The following NAV1 variants were observed in gnomAD, a reference collection of about 807,000 sequenced individuals.
NAV1 encodes pore membrane and/or filament interacting like protein 3.
Under a neutral mutation model 175.2 loss-of-function variants are expected in NAV1, and 18 were observed. That is an observed-to-expected ratio of 0.10 (90% CI 0.07 to 0.15). NAV1 has a LOEUF of 0.15. Among genes scored for constraint, NAV1 ranks in the 10% least tolerant of loss-of-function variants. The probability of loss-of-function intolerance (pLI) is 1.00; values close to 1 mark genes in which losing one functional copy is unlikely to be tolerated. For missense variants in NAV1, 1,731 were observed against 2,436.6 expected (o/e 0.71, Z 6.10); for synonymous variants, 897 against 978.7 (o/e 0.92, Z 1.56).
chr1:201,793,954 C>T, intron 14 of NAV1, 79 bp downstream of exon 18: 1 of 1,256,090 alleles, frequency 8.0e-7, no homozygotes, highest in South Asian at 1.3e-5. Flanking sequence ...AGCTGACCAT[C>T]TGTTCTTGCT....
intron 1 of NAV1, among the ~76,000 whole-genome samples, chr1:201,669,982 CT>C (rs1369262055): frequency 6.6e-6 from 1 of 151,612 alleles, no homozygotes; most frequent in Non-Finnish European, 1.5e-5. Context: ...TTCATTTTTA[CT>C]TTTTTAAAAA....
At chr1:201,553,920 AT>A (rs1431668693) in intron 1 of NAV1, among the ~76,000 whole-genome samples, 1 of 152,202 alleles carries the variant, frequency 6.6e-6, no homozygotes, top group East Asian at 1.9e-4. Context: ...TTGCGGTAGG[AT>A]TCACATCTAT....
chr1:201,553,722 GT>G (rs1665933155), intron 1 of NAV1, among the ~76,000 whole-genome samples: 1 of 152,166 alleles, frequency 6.6e-6, no homozygotes, highest in Non-Finnish European at 1.5e-5. Flanking sequence ...TCATAGATTA[GT>G]TTTGCCTGCT....
intron 1 of NAV1, among the ~76,000 whole-genome samples, chr1:201,695,196 A>G (rs1050576535): frequency 6.6e-6 from 1 of 152,180 alleles, no homozygotes; most frequent in Non-Finnish European, 1.5e-5. Context: ...TGAACAGCAA[A>G]TGCCATCAGG....
At chr1:201,724,365 C>A (rs1222358507) in intron 3 of NAV1, 1 of 152,210 alleles carries the variant, frequency 6.6e-6, no homozygotes, top group Non-Finnish European at 1.5e-5. Flanking sequence ...GAGGTGGATG[C>A]AGGCACTGAG....
In NAV1 at chr1:201,602,880, G is replaced by T. The variant is rs555570608; in HGVS notation, c.-33+14231G>T. ...CAGCCTCCCCATCCTGACAAGCCTG[G>T]CTCAGGCCAAGCAGAAATGGTAGCA... On this transcript the variant is annotated intron_variant, in intron 2 of 33. Transcript: ENST00000685211. 7.9e-5 allele frequency among the ~76,000 whole-genome samples: 12 copies of T among 152,134 alleles called. No individual in the cohort carries two copies. In the East Asian group the frequency reaches 2.3e-3, roughly 29 times the overall value.
At chr1:201,699,976 A>G (rs1362615161) in intron 1 of NAV1, among the ~76,000 whole-genome samples, 1 of 152,228 alleles carries the variant, frequency 6.6e-6, no homozygotes, top group Non-Finnish European at 1.5e-5. Flanking sequence ...TAGACCTAAA[A>G]CCATAAAAAC....
In NAV1 at chr1:201,704,276, G is replaced by A. The variant is rs148633543; in HGVS notation, c.758-8541G>A. On this transcript the variant is annotated intron_variant, in intron 1 of 29. Transcript: ENST00000367296. ...AGCTGTGCTAAGCAGGAGACTGAGG[G>A]AGAGAGACCTGGGCGGTGGCTCCCG... 2.8e-3 allele frequency among the ~76,000 whole-genome samples: 427 copies of A among 152,346 alleles called. 2 individuals carry two copies. Among genetic ancestry groups the A allele is most frequent in the African/African-American group, 1.0e-2 (414 of 41,584 alleles).
chr1:201,696,315 G>T (rs1455820552), intron 1 of NAV1, among the ~76,000 whole-genome samples: 2 of 152,218 alleles, frequency 1.3e-5, no homozygotes, highest in African/African-American at 2.4e-5. Flanking sequence ...GATTCTGAAT[G>T]ATCTGATTAG....
chr1:201,787,818 A>G lies in NAV1; in HGVS notation c.2996-650A>G. The G allele has an allele frequency of 4.7e-6, 2 of 426,600 alleles. No homozygotes were observed. Among genetic ancestry groups the G allele is most frequent in the Middle Eastern group, 1.3e-3 (2 of 1,518 alleles). 26.4% of individuals were successfully genotyped at this position (426,600 alleles called of 1,614,324 possible). A position where few individuals can be genotyped will look rare whatever the true frequency, so the allele number is the denominator to read the frequency against. The stretch of plus-strand genomic sequence containing the variant: ...ATTCAGCTGAACCCAGCTTCAAAGC[A>G]CATTCCACAAGCCTTACCTGACACT... On this transcript the variant is annotated intron_variant, in intron 9 of 29. Coordinates refer to ENST00000367296, the Ensembl canonical transcript of NAV1. This position sits in a 1 kb window ranked among gnomAD's most constrained non-coding sequence, Gnocchi z 4.3.
At position 201,813,039 on chromosome 1, in the gene NAV1, G is replaced by C. The variant is rs73088473; in HGVS notation, c.5222-101G>C. 2,298 of 829,780 alleles carry C rather than the reference G, an allele frequency of 2.8e-3. 33 individuals are homozygous for C. In the African/African-American group the frequency reaches 0.035, roughly 13 times the overall value. The allele number at this position is 829,780 out of a possible 1,614,324, so 51.4% of individuals were successfully genotyped here. On this transcript the variant is annotated intron_variant, in intron 27 of 29. Transcript: ENST00000367296. This position sits in a 1 kb window ranked among gnomAD's most constrained non-coding sequence, Gnocchi z 4.2. ...AACTCTAAATTTCCTTTAATCCTTT[G>C]ACTGTCAGACCCCTCTGCCTGGTAC...
At chr1:201,584,437 A>T (rs1270203566) in intron 1 of NAV1, among the ~76,000 whole-genome samples, 2 of 152,146 alleles carry the variant, frequency 1.3e-5, no homozygotes, top group Non-Finnish European at 2.9e-5. Context: ...ATGAGAAATA[A>T]TTTTTTTGCC....
At chr1:201,641,827 C>T (rs1167265072) in intron 2 of NAV1, among the ~76,000 whole-genome samples, 5 of 152,156 alleles carry the variant, frequency 3.3e-5, no homozygotes, top group East Asian at 1.9e-4. Flanking sequence ...CCTGCTCTGC[C>T]CTTAACCCTG....
chr1:201,573,817 G>T (rs1221375586), intron 1 of NAV1, among the ~76,000 whole-genome samples: 1 of 152,130 alleles, frequency 6.6e-6, no homozygotes, highest in Non-Finnish European at 1.5e-5. Context: ...ATTACATTCA[G>T]CTCAGCGGGT....
chr1:201,549,898 C>T (rs1461437297), intron 1 of NAV1, among the ~76,000 whole-genome samples: 1 of 149,238 alleles, frequency 6.7e-6, no homozygotes, highest in Non-Finnish European at 1.5e-5. Flanking sequence ...GTGGTCCCAG[C>T]TACTTGGGAG....
chr1:201,683,695 C>A (rs1670557920), intron 1 of NAV1, among the ~76,000 whole-genome samples: 2 of 152,142 alleles, frequency 1.3e-5, no homozygotes, highest in Non-Finnish European at 2.9e-5. Flanking sequence ...GTCCATGCTA[C>A]CAACATGACT....
chr1:201,666,674 A>T (rs1456519781), intron 1 of NAV1, among the ~76,000 whole-genome samples: 1 of 152,124 alleles, frequency 6.6e-6, no homozygotes, highest in Non-Finnish European at 1.5e-5. Flanking sequence ...GATGTTGCCT[A>T]CCTGTACCCT....
At chr1:201,631,538 A>G (rs1393384295) in intron 2 of NAV1, among the ~76,000 whole-genome samples, 7 of 152,222 alleles carry the variant, frequency 4.6e-5, no homozygotes, top group African/African-American at 1.7e-4. Flanking sequence ...CAAGATGTTC[A>G]CAGCCCAGGG....
At chr1:201,629,049 G>A (rs1466142705) in intron 1 of NAV1, among the ~76,000 whole-genome samples, 1 of 152,214 alleles carries the variant, frequency 6.6e-6, no homozygotes, top group African/African-American at 2.4e-5. Context: ...CTGAGGGCAA[G>A]GATCCTGGCA....
Sources: gnomAD v4.1 joint callset for allele counts (sites outside exome capture counted in the v4.1 genomes callset) on GRCh38, gnomAD v4.1.1 for gene constraint, Gnocchi (gnomAD v3.1) non-coding constraint, MANE v1.5 for transcripts, NCBI Gene and HGNC (gene_info 2026-07-23, HGNC 2026-07-21) for gene names.